The following ATP2C2 variants were observed in gnomAD, a reference collection of about 807,000 sequenced individuals.
ATP2C2 encodes the protein calcium-transporting ATPase type 2C member 2.
In ATP2C2, 171 loss-of-function variants were observed where a neutral mutation model predicts 110.8. That is an observed-to-expected ratio of 1.54 (90% CI 1.36 to 1.75). ATP2C2 has a LOEUF of 1.75. Among genes scored for constraint, ATP2C2 ranks in the 40% most tolerant of loss-of-function variants. The pLI is 0.00. For missense variants in ATP2C2, 1,963 were observed against 1,235.0 expected (o/e 1.59, Z -8.84); for synonymous variants, 804 against 508.4 (o/e 1.58, Z -7.82).
intron 16 of ATP2C2, 53 bp downstream of exon 16, chr16:84,446,483 C>G: frequency 7.5e-7 from 1 of 1,341,902 alleles, no homozygotes; most frequent in Non-Finnish European, 1.0e-6. Flanking sequence ...GGCCCCCACC[C>G]AGAGATAAAG....
chr16:84,413,624 C>T (rs1003544526), intron 6 of ATP2C2, among the ~76,000 whole-genome samples: 7 of 152,114 alleles, frequency 4.6e-5, no homozygotes, highest in African/African-American at 9.7e-5. Flanking sequence ...AGGTGAATAG[C>T]GTGCATTATT....
rs372854689 is a variant in ATP2C2, at chr16:84,459,348, A to G, written c.2295A>G (p.Leu765=). The G allele has an allele frequency of 5.0e-6, 8 of 1,614,040 alleles. No homozygotes were observed. In the African/African-American group the frequency reaches 8.0e-5, roughly 16 times the overall value. ...GCCCCCTCAACGCCATGCAGATCCT[A>G]TGGATCAACATCATCATGGATGGGC... ...LPSPLNAMQI[L]WINIIMDGPP... The change falls in exon 23 of 27, where the codon CTA becomes CTG. Residue 765 remains leucine, a synonymous_variant. Coordinates refer to ENST00000262429, the MANE Select transcript of ATP2C2 (RefSeq NM_014861.4).
At chr16:84,401,101 G>A (rs1381258686) in intron 2 of ATP2C2, among the ~76,000 whole-genome samples, 2 of 151,962 alleles carry the variant, frequency 1.3e-5, no homozygotes, top group East Asian at 3.8e-4. Context: ...TTTTTGCTTT[G>A]GTTGCCTGTG....
intron 1 of ATP2C2, among the ~76,000 whole-genome samples, chr16:84,383,269 G>T (rs1418576059): frequency 6.6e-6 from 1 of 152,216 alleles, no homozygotes; most frequent in Non-Finnish European, 1.5e-5. Flanking sequence ...TGGGCTGGCA[G>T]GAAAGCCTGC....
chr16:84,419,831 C>T (rs1048839778), intron 7 of ATP2C2, among the ~76,000 whole-genome samples: 16 of 152,132 alleles, frequency 1.1e-4, no homozygotes, highest in African/African-American at 3.6e-4. Context: ...CTACTCGTGA[C>T]AAGTACTGTT....
rs1358855351 is a variant in ATP2C2, at chr16:84,458,419, G to A, written c.2148-701G>A. Among the ~76,000 whole-genome samples, 249 of 139,534 alleles carry A rather than the reference G, an allele frequency of 1.8e-3. 1 individual carries two copies. The highest frequency in any genetic ancestry group is 0.013 in the South Asian group (55 of 4,078). 91.5% of individuals were successfully genotyped at this position (139,534 alleles called of 152,430 possible). Reference sequence around the variant, plus strand: ...TAGATGACACGTTAGTGGGTGCAGCGCACCAGCATGGCACATGTATACATA... The same window carrying A: ...TAGATGACACGTTAGTGGGTGCAGCACACCAGCATGGCACATGTATACATA... On this transcript the variant is annotated intron_variant, in intron 21 of 26. Coordinates refer to ENST00000262429, the MANE Select transcript of ATP2C2 (RefSeq NM_014861.4).
intron 26 of ATP2C2, 113 bp downstream of exon 26, chr16:84,462,242 A>C: frequency 6.3e-5 from 87 of 1,390,630 alleles, no homozygotes; most frequent in Non-Finnish European, 8.0e-5. Context: ...AGCAGAGCTC[A>C]CCAGGGGCCG....
intron 26 of ATP2C2, among the ~76,000 whole-genome samples, chr16:84,463,320 A>G (rs1012342613): frequency 1.3e-5 from 2 of 152,092 alleles, no homozygotes; most frequent in African/African-American, 4.8e-5. Context: ...TGCTGTAGGG[A>G]AAGGAAACTC....
At chr16:84,447,184 C>G (rs536946148) in intron 16 of ATP2C2, among the ~76,000 whole-genome samples, 1 of 152,176 alleles carries the variant, frequency 6.6e-6, no homozygotes, top group African/African-American at 2.4e-5. Context: ...TCATGTCTGC[C>G]CACGCAGACT....
chr16:84,453,903 C>T (rs980430634), intron 20 of ATP2C2, among the ~76,000 whole-genome samples: 1 of 152,044 alleles, frequency 6.6e-6, no homozygotes, highest in African/African-American at 2.4e-5. Context: ...TGCAGTGGCA[C>T]AATCTCGGCT....
At chr16:84,432,200 A>C (rs925522718) in intron 11 of ATP2C2, among the ~76,000 whole-genome samples, 2 of 152,094 alleles carry the variant, frequency 1.3e-5, no homozygotes, top group Admixed American at 6.5e-5. Context: ...TGAGATTTTC[A>C]TGCACCCATC....
At chr16:84,398,979 T>G (rs926565271) in intron 2 of ATP2C2, among the ~76,000 whole-genome samples, 1 of 152,242 alleles carries the variant, frequency 6.6e-6, no homozygotes, top group Non-Finnish European at 1.5e-5. Context: ...TCCAGCTGTT[T>G]CACATGAAAG....
chr16:84,381,330 CATCTGGATGTAT>C (rs1910568944), intron 1 of ATP2C2, among the ~76,000 whole-genome samples: 1 of 152,088 alleles, frequency 6.6e-6, no homozygotes, highest in South Asian at 2.1e-4. Flanking sequence ...TACTTCAGGC[CATCTGGATGTAT>C]ACGTGCAAGT....
At chr16:84,380,154 T>G (rs1251171071) in intron 1 of ATP2C2, among the ~76,000 whole-genome samples, 1 of 152,148 alleles carries the variant, frequency 6.6e-6, no homozygotes, top group East Asian at 1.9e-4. Flanking sequence ...AGGTGCCTGT[T>G]CCCCAGGGAA....
At chr16:84,390,829 G>C (rs1243574291) in intron 1 of ATP2C2, among the ~76,000 whole-genome samples, 1 of 152,076 alleles carries the variant, frequency 6.6e-6, no homozygotes, top group Non-Finnish European at 1.5e-5. Context: ...CAAAAGAAAA[G>C]GGGGCCGGGC....
chr16:84,368,845 A>G (rs2151390787), intron 1 of ATP2C2, 131 bp downstream of exon 1: 1 of 809,714 alleles, frequency 1.2e-6, no homozygotes, highest in Non-Finnish European at 1.9e-6. Flanking sequence ...GGCTCTGGAA[A>G]GAAGCTGTCC....
In ATP2C2 at chr16:84,408,403, A is replaced by G. The variant is rs764881316; in HGVS notation, c.328-2A>G. On this transcript the variant is annotated splice_acceptor_variant, in intron 3 of 26. Transcript: ENST00000262429. LOFTEE classifies it high-confidence loss of function. ...TGCCCCACCCTGTTATTTCCTCTTC[A>G]GTTTAAGAACCCCCTGATCCTGCTG... 6 of 1,613,584 alleles carry G rather than the reference A, an allele frequency of 3.7e-6. No homozygotes were observed. In the South Asian group the frequency reaches 5.5e-5, roughly 15 times the overall value.
rs550691963 is a variant in ATP2C2, at chr16:84,408,502, C to T, written c.417+8C>T. 67 of 1,611,012 alleles carry T rather than the reference C, an allele frequency of 4.2e-5. No homozygotes were observed. The African/African-American group carries it at 8.5e-4, about 21-fold the overall frequency. On this transcript the variant is annotated splice_region_variant and intron_variant, in intron 4 of 26. Coordinates refer to ENST00000262429, the MANE Select transcript of ATP2C2 (RefSeq NM_014861.4). The stretch of plus-strand genomic sequence containing the variant: ...GCCGTCAGCATCGCCACGGTGAGTT[C>T]CCTGACAGCGCTCGGCTCCCGGGCG...
intron 11 of ATP2C2, among the ~76,000 whole-genome samples, chr16:84,430,553 T>G (rs1908180173): frequency 6.6e-6 from 1 of 151,128 alleles, no homozygotes; most frequent in Non-Finnish European, 1.5e-5. Context: ...GGCAAGAGAA[T>G]TGCTTGAACC....
Sources: allele counts gnomAD v4.1 joint callset (sites outside exome capture counted in the v4.1 genomes callset), GRCh38; gene constraint gnomAD v4.1.1; transcripts MANE v1.5; gene names NCBI Gene and HGNC (gene_info 2026-07-23, HGNC 2026-07-21).